The following COL27A1 variants were observed in gnomAD, a reference collection of about 807,000 sequenced individuals.
COL27A1 encodes the protein collagen type XXVII alpha 1 chain, also known as collagen alpha-1(XXVII) chain.
A neutral mutation model predicts 251.3 loss-of-function variants in COL27A1; 106 were observed. The observed-to-expected ratio is 0.42, with a 90% confidence interval of 0.36 to 0.50. COL27A1 has a LOEUF of 0.50. COL27A1 is among the 20% of genes least tolerant of loss of function. The pLI, the probability that COL27A1 is intolerant of heterozygous loss-of-function variation, is 0.00. For missense variants in COL27A1, 2,325 were observed against 2,522.8 expected (o/e 0.92, Z 1.68); for synonymous variants, 1,000 against 986.3 (o/e 1.01, Z -0.26).
chr9:114,259,110 G>A (rs1834144741), intron 28 of COL27A1, among the ~76,000 whole-genome samples: 1 of 152,236 alleles, frequency 6.6e-6, no homozygotes, highest in Admixed American at 6.5e-5. Flanking sequence ...CTTTAGGAGA[G>A]GGCAGTGCTT....
chr9:114,290,997 G>T lies in COL27A1; in HGVS notation c.4476+80G>T. 1 of 1,009,874 alleles carries T rather than the reference G, an allele frequency of 9.9e-7. No homozygotes were observed. Among genetic ancestry groups the T allele is most frequent in the Non-Finnish European group, 1.5e-6 (1 of 687,004 alleles). The allele number at this position is 1,009,874 out of a possible 1,614,324, so 62.6% of individuals were successfully genotyped here. A position where few individuals can be genotyped will look rare whatever the true frequency, so the allele number is the denominator to read the frequency against. The stretch of plus-strand genomic sequence containing the variant: ...GACTCTAGTGGTTCCGACCCTTTGG[G>T]CACCCATGTCCCAGGGCCTGTGTGA... On this transcript the variant is annotated intron_variant, in intron 48 of 60. Transcript: ENST00000356083. The surrounding 1 kb of genome is among the most constrained non-coding windows in gnomAD (Gnocchi z 4.6).
At chr9:114,265,270 G>A (rs1834658502) in intron 31 of COL27A1, 152 bp from the exon 32 acceptor site, 2 of 1,064,428 alleles carry the variant, frequency 1.9e-6, no homozygotes, top group Admixed American at 2.1e-5. Context: ...AGCTCCTCCA[G>A]CACATCCTCT....
chr9:114,254,526 G>A (rs1264293878), intron 27 of COL27A1, among the ~76,000 whole-genome samples: 2 of 152,132 alleles, frequency 1.3e-5, no homozygotes, highest in African/African-American at 2.4e-5. Flanking sequence ...TGGGCTTGGG[G>A]AAGTTGGGGA....
chr9:114,259,999 G>C (rs967319328), intron 28 of COL27A1, among the ~76,000 whole-genome samples: 1 of 149,014 alleles, frequency 6.7e-6, no homozygotes, highest in Non-Finnish European at 1.5e-5. Flanking sequence ...TCTGGGTGGG[G>C]GGGGGGTCTC....
At chr9:114,298,913 GA>G (rs1452349204) in intron 49 of COL27A1, among the ~76,000 whole-genome samples, 1 of 151,930 alleles carries the variant, frequency 6.6e-6, no homozygotes, top group African/African-American at 2.4e-5. Context: ...AATATATAAA[GA>G]ACCCTTACAA....
chr9:114,235,079 C>CAAAAAA (rs34337576), intron 16 of COL27A1, among the ~76,000 whole-genome samples: 3 of 88,260 alleles, frequency 3.4e-5, no homozygotes, highest in East Asian at 3.5e-4. Flanking sequence ...GACTCCATCT[C>CAAAAAA]AAAAAAAAAA....
intron 24 of COL27A1, chr9:114,246,242 G>A (rs1453485882): frequency 2.0e-5 from 5 of 250,024 alleles, no homozygotes; most frequent in East Asian, 2.0e-4. Flanking sequence ...GTCGTTGCTC[G>A]TGTTCCCATC....
Position 114,305,560 on chromosome 9 carries a change from G to A in COL27A1, c.4938+887G>A, listed in dbSNP as rs74970073. On this transcript the variant is annotated intron_variant, in intron 57 of 60. Transcript: ENST00000356083. ...GAATAGAGGCTTATTTCTCGTGCACGTAAAAGTTAATTGGCTTGTTGATGA... is the reference window on the plus strand; with the variant it reads ...GAATAGAGGCTTATTTCTCGTGCACATAAAAGTTAATTGGCTTGTTGATGA... 8.2e-3 allele frequency among the ~76,000 whole-genome samples: 1,256 copies of A among 152,292 alleles called. 5 individuals are homozygous for A. The highest frequency in any genetic ancestry group is 0.012 in the Non-Finnish European group (810 of 68,010).
In COL27A1 at chr9:114,243,515, T is replaced by G. The variant is rs958806026; in HGVS notation, c.2889T>G (p.Pro963=). The part of the protein sequence containing the change: ...PPGAPGLEGQ[P]GRKGFPGRPG... ...CTGTCTCTCTGTTGCAGGGTCAGCC[T>G]GGCAGGAAGGGGTTTCCTGGGAGGC... Residue 963 remains proline, a synonymous_variant, in exon 23 of 61, where the codon CCT becomes CCG. Transcript: ENST00000356083. The G allele has an allele frequency of 6.2e-7, 1 of 1,613,988 alleles. No individual in the cohort carries two copies. The highest frequency in any genetic ancestry group is 8.5e-7 in the Non-Finnish European group (1 of 1,179,926).
intron 14 of COL27A1, among the ~76,000 whole-genome samples, 190 bp downstream of exon 14, chr9:114,222,457 A>C: frequency 6.5e-5 from 1 of 15,286 alleles, no homozygotes; most frequent in Non-Finnish European, 1.2e-4. Flanking sequence ...GAAGGTGGGT[A>C]GGGGAGGGCG....
chr9:114,174,206 T>C (rs1167644573), intron 3 of COL27A1, among the ~76,000 whole-genome samples: 1 of 152,106 alleles, frequency 6.6e-6, no homozygotes, highest in Non-Finnish European at 1.5e-5. Flanking sequence ...CTCGATCTCC[T>C]GACCTCCAGG....
At chr9:114,204,299 T>C (rs922854165) in intron 7 of COL27A1, among the ~76,000 whole-genome samples, 2 of 152,170 alleles carry the variant, frequency 1.3e-5, no homozygotes, top group Non-Finnish European at 2.9e-5. Flanking sequence ...GTGGCTACCC[T>C]GTGCACAATG....
chr9:114,161,297 T>C (rs1848481352), intron 1 of COL27A1, among the ~76,000 whole-genome samples: 1 of 152,188 alleles, frequency 6.6e-6, no homozygotes, highest in Admixed American at 6.5e-5. Context: ...TCACCTCTTA[T>C]TGGCCTCATT....
chr9:114,170,636 G>A (rs1345370816), intron 3 of COL27A1, among the ~76,000 whole-genome samples: 2 of 152,246 alleles, frequency 1.3e-5, no homozygotes, highest in African/African-American at 4.8e-5. Context: ...AGGACGGAGA[G>A]TCTGCCTTTA....
intron 1 of COL27A1, among the ~76,000 whole-genome samples, chr9:114,157,465 T>C (rs1253991711): frequency 6.6e-6 from 1 of 152,180 alleles, no homozygotes; most frequent in Non-Finnish European, 1.5e-5. Context: ...TCCTTCTGTT[T>C]CCTCCCTGTA....
intron 36 of COL27A1, chr9:114,274,148 A>C (rs912863314): frequency 6.6e-6 from 1 of 151,476 alleles, no homozygotes. Context: ...AGGCGGGGGC[A>C]CTTGAACCTG....
chr9:114,246,155 C>T (rs949113084), intron 24 of COL27A1: 3 of 457,012 alleles, frequency 6.6e-6, no homozygotes, highest in African/African-American at 6.2e-5. Context: ...ACTCTACACA[C>T]AGGTTTTTGG....
rs1220510532 is a variant in COL27A1, at chr9:114,310,641, T to C, written c.5529T>C (p.Pro1843=). 3 of 1,614,168 alleles carry C rather than the reference T, an allele frequency of 1.9e-6. No homozygotes were observed. In the East Asian group the frequency reaches 6.7e-5, roughly 36 times the overall value. ...TCATCAGTGTGGACAACCTCCCTCC[T>C]GCCTCATCAGGGAAGCAGTACCGCC... ...LPIISVDNLP[P]ASSGKQYRLE... Residue 1843 remains proline (P), a synonymous_variant, in exon 61 of 61, where the codon CCT becomes CCC. Coordinates refer to ENST00000356083, the MANE Select transcript of COL27A1 (RefSeq NM_032888.4).
chr9:114,278,449 GCA>G (rs1835671057), intron 37 of COL27A1, among the ~76,000 whole-genome samples: 1 of 143,534 alleles, frequency 7.0e-6, no homozygotes, highest in African/African-American at 2.6e-5. Flanking sequence ...TGATGATGGG[GCA>G]CTGATGATGG....
Sources: allele counts gnomAD v4.1 joint callset (sites outside exome capture counted in the v4.1 genomes callset), GRCh38; gene constraint gnomAD v4.1.1; non-coding constraint Gnocchi (gnomAD v3.1); transcripts MANE v1.5; gene names NCBI Gene and HGNC (gene_info 2026-07-23, HGNC 2026-07-21).